CHN2: variants seen among roughly 807,000 people sequenced by gnomAD.
CHN2 encodes the protein beta-chimaerin.
In CHN2, 35 loss-of-function variants were observed where a neutral mutation model predicts 56.3. The observed-to-expected ratio is 0.62, with a 90% CI of 0.47 to 0.82. CHN2 has a LOEUF of 0.82. Among genes scored for constraint, CHN2 ranks in the 40% least tolerant of loss-of-function variants. CHN2 has a pLI of 0.00. For missense variants in CHN2, 491 were observed against 580.5 expected, an observed-to-expected ratio of 0.85 and a Z score of 1.58; for synonymous variants, 210 against 212.8, an observed-to-expected ratio of 0.99 and a Z score of 0.12.
At chr7:29,430,867 G>A (rs1016225655) in intron 6 of CHN2, among the ~76,000 whole-genome samples, 7 of 151,386 alleles carry the variant, frequency 4.6e-5, no homozygotes, top group South Asian at 2.1e-4. Context: ...TCTCCCCAGC[G>A]GACTTTCCCT....
At chr7:29,179,831 GAGTT>G (rs1052906496) in intron 2 of CHN2, among the ~76,000 whole-genome samples, 18 of 152,190 alleles carry the variant, frequency 1.2e-4, no homozygotes, top group Non-Finnish European at 5.9e-5. Context: ...TTGCAAAACT[GAGTT>G]AGTGCATGTG....
At chr7:29,191,343 CAGA>C (rs1376442895), upstream of CHN2, among the ~76,000 whole-genome samples, 1 of 152,180 alleles carries the variant, frequency 6.6e-6, no homozygotes, top group Non-Finnish European at 1.5e-5. Context: ...AGAAATCCAA[CAGA>C]AGAAGAGTTA....
chr7:29,315,616 A>G (rs1794900056), intron 1 of CHN2, among the ~76,000 whole-genome samples: 4 of 152,198 alleles, frequency 2.6e-5, no homozygotes, highest in Admixed American at 2.0e-4. Context: ...AGATGACATA[A>G]AAAATGGGGT....
intron 1 of CHN2, among the ~76,000 whole-genome samples, chr7:29,322,905 A>G (rs148211189): frequency 4.6e-5 from 7 of 152,178 alleles, no homozygotes; most frequent in African/African-American, 1.7e-4. Flanking sequence ...GCTCATGCCT[A>G]TAATCCCAGC....
At chr7:29,252,257 C>G (rs1220181896) in intron 1 of CHN2, among the ~76,000 whole-genome samples, 1 of 143,396 alleles carries the variant, frequency 7.0e-6, no homozygotes, top group Non-Finnish European at 1.5e-5. Flanking sequence ...GGTGCCATCT[C>G]AGCTCACTGC....
rs192908540 is a variant in CHN2 at position 29,392,959 on chromosome 7, C to T, written c.145-720C>T. Among the ~76,000 whole-genome samples, 7 of 152,330 alleles carry T rather than the reference C, an allele frequency of 4.6e-5. No individual in the cohort carries two copies. In the East Asian group the frequency reaches 1.3e-3, roughly 29 times the overall value. ...AGAACAAAGGCCGAGCATGAGAAATCATGTCACTTTCTCACCAACTCCAAC... is the reference window on the plus strand; with the variant it reads ...AGAACAAAGGCCGAGCATGAGAAATTATGTCACTTTCTCACCAACTCCAAC... On this transcript the variant is annotated intron_variant, in intron 3 of 12. Coordinates refer to ENST00000222792, the MANE Select transcript of CHN2 (RefSeq NM_004067.4).
intron 1 of CHN2, among the ~76,000 whole-genome samples, chr7:29,252,592 T>G (rs865860825): frequency 4.1e-4 from 16 of 39,162 alleles, no homozygotes; most frequent in South Asian, 8.6e-4. Flanking sequence ...TTTTTTTTTT[T>G]TTTTTTTTTT....
chr7:29,443,102 G>A (rs962781266), intron 6 of CHN2, among the ~76,000 whole-genome samples: 4 of 149,292 alleles, frequency 2.7e-5, no homozygotes, highest in African/African-American at 7.5e-5. Flanking sequence ...CACCGCGCCC[G>A]GCTAATTTTT....
At chr7:29,335,443 C>T (rs142655133) in intron 1 of CHN2, among the ~76,000 whole-genome samples, 2 of 152,364 alleles carry the variant, frequency 1.3e-5, no homozygotes, top group East Asian at 1.9e-4. Flanking sequence ...ACATAGGAAG[C>T]TCTCAGTAAG....
intron 1 of CHN2, among the ~76,000 whole-genome samples, chr7:29,203,340 A>C (rs1408379127): frequency 6.6e-6 from 1 of 151,812 alleles, no homozygotes; most frequent in African/African-American, 2.4e-5. Flanking sequence ...GGTGGCGCAT[A>C]CCTGTAATCC....
intron 6 of CHN2, among the ~76,000 whole-genome samples, chr7:29,421,715 A>G (rs1358606600): frequency 3.3e-5 from 5 of 152,262 alleles, no homozygotes; most frequent in African/African-American, 1.2e-4. Flanking sequence ...GATAGAATGT[A>G]CGTGAATGTC....
rs1277726918 is a variant in CHN2, at chr7:29,341,850, A to G, written c.50-12775A>G. On this transcript the variant is annotated intron_variant, in intron 1 of 12. Transcript: ENST00000222792. ...ACTAGGGTCATAGGGAGAAAAATCAATGGACTCCAGAGCCAAACAGATCTG... is the reference window on the plus strand; with the variant it reads ...ACTAGGGTCATAGGGAGAAAAATCAGTGGACTCCAGAGCCAAACAGATCTG... 2.3e-4 allele frequency among the ~76,000 whole-genome samples: 35 copies of G among 152,210 alleles called. 1 individual carries two copies. Among genetic ancestry groups the G allele is most frequent in the Admixed American group, 2.2e-3 (34 of 15,276 alleles).
intron 6 of CHN2, chr7:29,401,393 T>C (rs1802196611): frequency 6.6e-6 from 1 of 152,542 alleles, no homozygotes; most frequent in Non-Finnish European, 1.5e-5. Flanking sequence ...GTGGGTTTAT[T>C]TGGAGTTTGA....
intron 1 of CHN2, among the ~76,000 whole-genome samples, chr7:29,210,596 G>T (rs1260354601): frequency 2.0e-5 from 3 of 151,282 alleles, no homozygotes; most frequent in African/African-American, 7.3e-5. Flanking sequence ...TATATAATTT[G>T]TATATATAAA....
chr7:29,499,560 G>A (rs1583415050), intron 8 of CHN2, among the ~76,000 whole-genome samples: 1 of 152,276 alleles, frequency 6.6e-6, no homozygotes, highest in South Asian at 2.1e-4. Flanking sequence ...GACCCAAAGG[G>A]TTCCAGCCTG....
intron 1 of CHN2, among the ~76,000 whole-genome samples, chr7:29,268,293 C>A (rs1158553117): frequency 6.7e-6 from 1 of 148,176 alleles, no homozygotes; most frequent in Non-Finnish European, 1.5e-5. Flanking sequence ...AACACACACA[C>A]ACACACACAC....
At chr7:29,477,178 C>A (rs3812330) in intron 6 of CHN2, among the ~76,000 whole-genome samples, 99,783 of 151,946 alleles carry the variant, frequency 0.66, 32,852 homozygotes, top group East Asian at 0.77. Context: ...CACACTGCTC[C>A]CAGTAATGCT....
rs868146219 is a variant in CHN2, at chr7:29,260,165, C to T, written c.49+65175C>T. ...GCTAATTTTTGTATTTTTGTAGAGA[C>T]GGGGTTTCACCATGTTGGCCAGGCT... On this transcript the variant is annotated intron_variant, in intron 1 of 12. Transcript: ENST00000222792. 9.2e-5 allele frequency among the ~76,000 whole-genome samples: 14 copies of T among 152,032 alleles called. No individual in the cohort carries two copies. The East Asian group carries it at 9.7e-4, about 11-fold the overall frequency.
At chr7:29,326,144 G>A (rs1357451856) in intron 1 of CHN2, among the ~76,000 whole-genome samples, 2 of 151,490 alleles carry the variant, frequency 1.3e-5, no homozygotes, top group African/African-American at 4.9e-5. Flanking sequence ...TTGTTTGTTT[G>A]TTTGTTTGTT....
Sources: allele counts gnomAD v4.1 joint callset (sites outside exome capture counted in the v4.1 genomes callset), GRCh38; gene constraint gnomAD v4.1.1; transcripts MANE v1.5; gene names NCBI Gene and HGNC (gene_info 2026-07-23, HGNC 2026-07-21).